The following PRKAG2 variants were observed in gnomAD, a reference collection of about 807,000 sequenced individuals.
The protein encoded by PRKAG2 is 5'-AMP-activated protein kinase subunit gamma-2.
A neutral mutation model predicts 69.6 loss-of-function variants in PRKAG2; 26 were observed. The observed-to-expected ratio is 0.37, with a 90% CI of 0.27 to 0.52. PRKAG2 has a LOEUF of 0.52. PRKAG2 is among the 20% of genes least tolerant of loss of function. The probability of loss-of-function intolerance (pLI) is 0.90; values close to 1 mark genes in which losing one functional copy is unlikely to be tolerated. For synonymous variants in PRKAG2, 293 were observed against 285.0 expected (o/e 1.03, Z -0.28); for missense variants, 557 against 740.0 (o/e 0.75, Z 2.87).
At chr7:151,862,619 G>A (rs1459177866) in intron 1 of PRKAG2, among the ~76,000 whole-genome samples, 1 of 152,174 alleles carries the variant, frequency 6.6e-6, no homozygotes, top group Non-Finnish European at 1.5e-5. Context: ...AAGTGTAGAC[G>A]CATGCCATCT....
intron 1 of PRKAG2, among the ~76,000 whole-genome samples, chr7:151,795,869 ATATATATATATATATATATAT>A (rs2077490454): frequency 8.8e-6 from 1 of 113,464 alleles, no homozygotes; most frequent in African/African-American, 3.6e-5. Flanking sequence ...ATATATATAT[ATATATATATATATATATATAT>A]CACGATAATA....
intron 1 of PRKAG2, among the ~76,000 whole-genome samples, chr7:151,824,567 G>T (rs974452656): frequency 2.6e-5 from 4 of 152,102 alleles, no homozygotes; most frequent in Non-Finnish European, 5.9e-5. Flanking sequence ...TTGGCTGTGT[G>T]CCTTGCATTT....
Position 151,814,270 on chromosome 7 carries a change from A to T in PRKAG2, c.115-27729T>A. 2.4e-6 allele frequency: 1 copy of T among 424,108 alleles called. No homozygotes were observed. Among genetic ancestry groups the T allele is most frequent in the Non-Finnish European group, 3.4e-6 (1 of 296,146 alleles). 26.3% of individuals were successfully genotyped at this position (424,108 alleles called of 1,614,324 possible). On this transcript the variant is annotated intron_variant, in intron 1 of 15. Transcript: ENST00000287878. The surrounding 1 kb of genome is among the most constrained non-coding windows in gnomAD (Gnocchi z 4.8). Reference sequence around the variant, plus strand: ...TGCTCAGCCTTGGGGTATCTGATTTAATAAGAGGCTCTTGGAGAACAAAGC... The same window carrying T: ...TGCTCAGCCTTGGGGTATCTGATTTTATAAGAGGCTCTTGGAGAACAAAGC...
At chr7:151,626,399 A>C (rs1309728035) in intron 5 of PRKAG2, among the ~76,000 whole-genome samples, 1 of 152,244 alleles carries the variant, frequency 6.6e-6, no homozygotes, top group Admixed American at 6.5e-5. Flanking sequence ...ATATGGCGCC[A>C]GCTCCAGAGG....
chr7:151,774,200 T>C (rs1448025833), intron 3 of PRKAG2, among the ~76,000 whole-genome samples: 1 of 152,176 alleles, frequency 6.6e-6, no homozygotes, highest in East Asian at 1.9e-4. Flanking sequence ...CACGCTACTG[T>C]ACCTCTGACC....
In PRKAG2 at chr7:151,632,133, C is replaced by G; in HGVS notation, c.690G>C (p.Ala230=). Residue 230 remains alanine (A), a synonymous_variant, in exon 5 of 16, where the codon GCG becomes GCC. Coordinates refer to ENST00000287878, the MANE Select transcript of PRKAG2 (RefSeq NM_016203.4). The surrounding 1 kb of genome is among the most constrained non-coding windows in gnomAD (Gnocchi z 4.2). ...CCGCGGGTCCCAGGGCCGCCGCCAG[C>G]GCCGCCTGAGGGGGAGGAGGAGGAC... is the stretch of plus-strand genomic sequence containing the variant. ...PTHYAPSKAA[A]LAAALGPAEA... 7.1e-7 allele frequency: 1 copy of G among 1,403,818 alleles called. No individual in the cohort carries two copies. Among genetic ancestry groups the G allele is most frequent in the Non-Finnish European group, 9.4e-7 (1 of 1,065,218 alleles). 87.0% of individuals were successfully genotyped at this position (1,403,818 alleles called of 1,614,324 possible).
At chr7:151,817,048 A>T (rs1048893549) in intron 1 of PRKAG2, among the ~76,000 whole-genome samples, 8 of 152,098 alleles carry the variant, frequency 5.3e-5, no homozygotes, top group African/African-American at 1.7e-4. Context: ...AGGAACATAA[A>T]CAACTCCACT....
chr7:151,646,361 C>A (rs909080026), intron 4 of PRKAG2, among the ~76,000 whole-genome samples: 8 of 152,150 alleles, frequency 5.3e-5, no homozygotes, highest in Admixed American at 2.6e-4. Flanking sequence ...TCTCAGCAAT[C>A]TTTTGTAGTT....
Position 151,595,261 on chromosome 7 carries a change from T to C in PRKAG2, c.864+84A>G, listed in dbSNP as rs187528126. On this transcript the variant is annotated intron_variant, in intron 6 of 15. Coordinates refer to ENST00000287878, the MANE Select transcript of PRKAG2 (RefSeq NM_016203.4). Reference sequence around the variant, plus strand: ...TGCAAAGGACTCAATAAACGTTTGCTGGCATTGCTGGTTTTAAATTACTGT... The same window carrying C: ...TGCAAAGGACTCAATAAACGTTTGCCGGCATTGCTGGTTTTAAATTACTGT... The C allele has an allele frequency of 1.6e-5, 15 of 950,812 alleles. No individual in the cohort carries two copies. The East Asian group carries it at 3.5e-4, about 22-fold the overall frequency. 58.9% of individuals were successfully genotyped at this position (950,812 alleles called of 1,614,324 possible). A position where few individuals can be genotyped will look rare whatever the true frequency, so the allele number is the denominator to read the frequency against.
chr7:151,683,996 G>A (rs931377175), intron 3 of PRKAG2, among the ~76,000 whole-genome samples: 10 of 152,168 alleles, frequency 6.6e-5, no homozygotes, highest in African/African-American at 1.7e-4. Context: ...CTCCCCGCAC[G>A]GCCCCTATTG....
chr7:151,596,487 G>A (rs1218644583), intron 5 of PRKAG2, among the ~76,000 whole-genome samples: 3 of 152,096 alleles, frequency 2.0e-5, no homozygotes, highest in African/African-American at 4.8e-5. Flanking sequence ...GGTAGCACGC[G>A]CCTGTAATCC....
chr7:151,560,081 A>C (rs541552587), intron 15 of PRKAG2: 5 of 984,744 alleles, frequency 5.1e-6, no homozygotes, highest in Non-Finnish European at 6.0e-6. Flanking sequence ...TTAATGAATA[A>C]AAGTTTGTGT....
chr7:151,597,172 G>A (rs973110335), intron 5 of PRKAG2, among the ~76,000 whole-genome samples: 5 of 152,176 alleles, frequency 3.3e-5, no homozygotes, highest in African/African-American at 9.7e-5. Flanking sequence ...TACACACCGG[G>A]CAAAGGGTGG....
intron 5 of PRKAG2, among the ~76,000 whole-genome samples, chr7:151,631,239 C>T (rs1183739508): frequency 1.3e-5 from 2 of 152,190 alleles, no homozygotes; most frequent in East Asian, 3.8e-4. Flanking sequence ...TTCAAGTCCT[C>T]GAATTGTCAA....
At chr7:151,675,898 A>G (rs1051735534) in intron 3 of PRKAG2, among the ~76,000 whole-genome samples, 1 of 152,152 alleles carries the variant, frequency 6.6e-6, no homozygotes, top group Non-Finnish European at 1.5e-5. Flanking sequence ...ATTATTCTGA[A>G]TGTTGAGGAA....
chr7:151,805,182 C>G (rs925337479), intron 1 of PRKAG2, among the ~76,000 whole-genome samples: 1 of 152,196 alleles, frequency 6.6e-6, no homozygotes, highest in South Asian at 2.1e-4. Context: ...GAAGGAACCT[C>G]GCAGTTCCTC....
intron 3 of PRKAG2, among the ~76,000 whole-genome samples, chr7:151,748,626 T>C (rs1319193976): frequency 6.6e-6 from 1 of 152,170 alleles, no homozygotes; most frequent in African/African-American, 2.4e-5. Context: ...TTTTTAACCA[T>C]GCGATTGAAC....
At chr7:151,601,892 A>G (rs1350781339) in intron 5 of PRKAG2, among the ~76,000 whole-genome samples, 3 of 152,220 alleles carry the variant, frequency 2.0e-5, no homozygotes, top group Non-Finnish European at 4.4e-5. Flanking sequence ...CACCAGCACT[A>G]CCAAGGACAA....
intron 1 of PRKAG2, among the ~76,000 whole-genome samples, chr7:151,813,486 T>C (rs1451174891): frequency 8.3e-6 from 1 of 120,102 alleles, no homozygotes; most frequent in African/African-American, 3.0e-5. Context: ...GGAAGGCGAT[T>C]GTAAGGAAAA....
Sources: allele counts gnomAD v4.1 joint callset (sites outside exome capture counted in the v4.1 genomes callset), GRCh38; gene constraint gnomAD v4.1.1; non-coding constraint Gnocchi (gnomAD v3.1); transcripts MANE v1.5; gene names NCBI Gene and HGNC (gene_info 2026-07-23, HGNC 2026-07-21).